The following TAOK3 variants were observed in gnomAD, a reference collection of about 807,000 sequenced individuals.
TAOK3 encodes serine/threonine-protein kinase TAO3.
In TAOK3, 40 loss-of-function variants were observed where a neutral mutation model predicts 120.4. That is an observed-to-expected ratio of 0.33 (90% CI 0.26 to 0.43). TAOK3 has a LOEUF of 0.43. Ranked by LOEUF, TAOK3 falls within the 20% of genes least tolerant of loss-of-function variation. The probability of loss-of-function intolerance (pLI) is 1.00; values close to 1 mark genes in which losing one functional copy is unlikely to be tolerated. For synonymous variants in TAOK3, 355 were observed against 387.5 expected (o/e 0.92, Z 0.99); for missense variants, 821 against 1,112.1 (o/e 0.74, Z 3.72).
intron 1 of TAOK3, among the ~76,000 whole-genome samples, chr12:118,280,737 G>C (rs1485727500): frequency 1.3e-5 from 2 of 152,214 alleles, no homozygotes; most frequent in Admixed American, 6.5e-5. Flanking sequence ...TGTGAAGAAT[G>C]TCATTGGTAG....
intron 17 of TAOK3, among the ~76,000 whole-genome samples, chr12:118,164,111 A>T (rs1448828027): frequency 6.6e-6 from 1 of 151,684 alleles, no homozygotes; most frequent in Non-Finnish European, 1.5e-5. Flanking sequence ...TCACGAGGTC[A>T]GGAGATCGAG....
At chr12:118,361,929 A>AATAAT (rs539500574) in intron 1 of TAOK3, among the ~76,000 whole-genome samples, 4,884 of 132,710 alleles carry the variant, frequency 0.037, 273 homozygotes, top group East Asian at 0.26. Context: ...ATAATAATAA[A>AATAAT]AAAACATGCT....
At chr12:118,229,124 G>A (rs1489510500) in intron 9 of TAOK3, among the ~76,000 whole-genome samples, 1 of 151,214 alleles carries the variant, frequency 6.6e-6, no homozygotes, top group Non-Finnish European at 1.5e-5. Flanking sequence ...GGGGGGGACA[G>A]AGTTTCGATC....
chr12:118,309,855 G>A (rs951135282), intron 1 of TAOK3, among the ~76,000 whole-genome samples: 2 of 151,984 alleles, frequency 1.3e-5, no homozygotes, highest in South Asian at 2.1e-4. Flanking sequence ...GCTATGTGCT[G>A]GGTAGCAGAT....
At chr12:118,219,383 T>A (rs2039110797) in intron 9 of TAOK3, among the ~76,000 whole-genome samples, 1 of 152,044 alleles carries the variant, frequency 6.6e-6, no homozygotes, top group Non-Finnish European at 1.5e-5. Flanking sequence ...CCCAAAGTGC[T>A]AGTATTACAG....
intron 6 of TAOK3, among the ~76,000 whole-genome samples, chr12:118,238,589 A>T (rs1329889095): frequency 1.3e-5 from 2 of 152,252 alleles, no homozygotes; most frequent in Middle Eastern, 3.4e-3. Context: ...ATTATTTGTG[A>T]AAGAAGCTAA....
rs35462737 is a variant in TAOK3 at position 118,324,734 on chromosome 12, CTTTTTTTTTTTT to C, written c.-194+47902_-194+47913del. The stretch of plus-strand genomic sequence containing the variant: ...TTGTTGCAAAGGACAGAATTTCATT[CTTTTTTTTTTTT>C]TTTTTTTTTTTTTTTTGAGACGGAG... On this transcript the variant is annotated intron_variant, in intron 1 of 20. Coordinates refer to ENST00000392533, the MANE Select transcript of TAOK3 (RefSeq NM_016281.4). Among the ~76,000 whole-genome samples, 162 of 69,652 alleles carry C rather than the reference CTTTTTTTTTTTT, an allele frequency of 2.3e-3. 3 individuals are homozygous for C. The South Asian group carries it at 0.075, about 32-fold the overall frequency. 45.7% of individuals were successfully genotyped at this position (69,652 alleles called of 152,430 possible). A position where few individuals can be genotyped will look rare whatever the true frequency, so the allele number is the denominator to read the frequency against.
At chr12:118,275,284 G>A (rs7954330) in intron 1 of TAOK3, among the ~76,000 whole-genome samples, 18,431 of 151,896 alleles carry the variant, frequency 0.12, 1,204 homozygotes, top group Middle Eastern at 0.15. Context: ...GACTACAGGC[G>A]TGTGCCACCA....
intron 1 of TAOK3, among the ~76,000 whole-genome samples, chr12:118,316,335 C>T (rs1278115147): frequency 6.6e-6 from 1 of 152,166 alleles, no homozygotes; most frequent in Non-Finnish European, 1.5e-5. Flanking sequence ...ACTGAAAGAG[C>T]TCCTACTCAT....
intron 1 of TAOK3, among the ~76,000 whole-genome samples, chr12:118,343,270 T>C (rs138351992): frequency 0.02 from 3,105 of 151,594 alleles, 107 homozygotes; most frequent in African/African-American, 0.071. Context: ...TCTACAAAAA[T>C]ACAAAAATTA....
chr12:118,248,318 G>A (rs2040607122), intron 3 of TAOK3, among the ~76,000 whole-genome samples: 1 of 151,594 alleles, frequency 6.6e-6, no homozygotes, highest in Non-Finnish European at 1.5e-5. Context: ...TTTCCAGTCT[G>A]CAGAACTCCA....
chr12:118,206,546 C>A (rs1291616494), intron 11 of TAOK3, among the ~76,000 whole-genome samples: 1 of 152,088 alleles, frequency 6.6e-6, no homozygotes, highest in Non-Finnish European at 1.5e-5. Context: ...TAGGCCTTTG[C>A]CTTCACATCT....
In TAOK3 at chr12:118,211,327, A is replaced by G. The variant is rs76654443; in HGVS notation, c.819+1587T>C. On this transcript the variant is annotated intron_variant, in intron 11 of 20. Transcript: ENST00000392533. ...TTTTTCAGGAATAATCGGTTGGCAT[A>G]TATTAGATCTCCTGTGTCTTCCAAA... 8.9e-3 allele frequency among the ~76,000 whole-genome samples: 1,362 copies of G among 152,258 alleles called. 21 individuals carry two copies. The highest frequency in any genetic ancestry group is 0.032 in the African/African-American group (1,318 of 41,542).
intron 1 of TAOK3, among the ~76,000 whole-genome samples, chr12:118,336,222 G>A (rs534448209): frequency 6.6e-6 from 1 of 152,266 alleles, no homozygotes; most frequent in African/African-American, 2.4e-5. Context: ...AAGGCAGTTT[G>A]TGCTGGTAGA....
intron 1 of TAOK3, among the ~76,000 whole-genome samples, chr12:118,278,221 T>C (rs923729523): frequency 1.3e-5 from 2 of 152,138 alleles, no homozygotes; most frequent in Non-Finnish European, 2.9e-5. Context: ...GGGTTTGGTG[T>C]ACAGATTATT....
chr12:118,364,118 A>C (rs1375775485), intron 1 of TAOK3, among the ~76,000 whole-genome samples: 1 of 152,134 alleles, frequency 6.6e-6, no homozygotes, highest in Non-Finnish European at 1.5e-5. Flanking sequence ...CCTGGGCAAC[A>C]AGAGCAAAAC....
At chr12:118,168,406 C>T (rs1164302547) in intron 17 of TAOK3, among the ~76,000 whole-genome samples, 1 of 152,190 alleles carries the variant, frequency 6.6e-6, no homozygotes. Flanking sequence ...TGTTAGTTAG[C>T]TTTCATGTGG....
chr12:118,294,752 G>T (rs917933185), intron 1 of TAOK3, among the ~76,000 whole-genome samples: 2 of 150,944 alleles, frequency 1.3e-5, no homozygotes, highest in Non-Finnish European at 3.0e-5. Context: ...TCAGTATTAA[G>T]ATTCTGAGAT....
chr12:118,269,145 TTCTC>T (rs1363302304), intron 1 of TAOK3, among the ~76,000 whole-genome samples: 22 of 151,956 alleles, frequency 1.4e-4, no homozygotes, highest in Non-Finnish European at 2.5e-4. Context: ...CTTCTCTTTC[TTCTC>T]TCTCTTTCTT....
Sources: allele counts gnomAD v4.1 joint callset (sites outside exome capture counted in the v4.1 genomes callset), GRCh38; gene constraint gnomAD v4.1.1; transcripts MANE v1.5; gene names NCBI Gene and HGNC (gene_info 2026-07-23, HGNC 2026-07-21).